The following PAX6 variants were observed in gnomAD, a reference collection of about 807,000 sequenced individuals.
PAX6 encodes the protein paired box protein Pax-6.
A neutral mutation model predicts 60.7 loss-of-function variants in PAX6; 7 were observed. The observed-to-expected ratio is 0.12, with a 90% CI of 0.07 to 0.22. The LOEUF (loss-of-function observed/expected upper bound fraction) is 0.22. Among genes scored for constraint, PAX6 ranks in the 10% least tolerant of loss-of-function variants. The probability of loss-of-function intolerance (pLI) is 1.00; values close to 1 mark genes in which losing one functional copy is unlikely to be tolerated. For missense variants in PAX6, 355 were observed against 555.2 expected (o/e 0.64, Z 3.62); for synonymous variants, 208 against 201.2 (o/e 1.03, Z -0.29).
intron 2 of PAX6, 118 bp downstream of exon 2, chr11:31,810,709 TC>T: frequency 2.5e-6 from 1 of 397,314 alleles, no homozygotes; most frequent in Non-Finnish European, 4.4e-6. Context: ...GGCCCAACTC[TC>T]CCGGCGTAGC....
At chr11:31,816,635 C>T (rs770835374) in intron 1 of PAX6, 54 of 702,296 alleles carry the variant, frequency 7.7e-5, no homozygotes, top group Non-Finnish European at 1.3e-4. Context: ...AGGATCCCGG[C>T]CCAGGTAAGG....
intron 12 of PAX6, 111 bp from the exon 13 acceptor site, chr11:31,790,971 C>T: frequency 1.8e-6 from 2 of 1,134,030 alleles, no homozygotes; most frequent in South Asian, 1.3e-5. Flanking sequence ...ATTAAAGATG[C>T]CTTCACGTGA....
intron 5 of PAX6, chr11:31,802,503 C>T: frequency 3.6e-6 from 2 of 555,898 alleles, no homozygotes; most frequent in Non-Finnish European, 6.3e-6. Flanking sequence ...TGTAACTGAC[C>T]CAGGTTGAAA....
intron 12 of PAX6, chr11:31,792,850 C>G (rs1477717674): frequency 4.6e-6 from 1 of 218,274 alleles, no homozygotes; most frequent in Non-Finnish European, 9.2e-6. Context: ...CAAAGACACA[C>G]TAAATTTCCA....
chr11:31,811,412 G>T (rs1214578106), upstream of PAX6: 3 of 396,768 alleles, frequency 7.6e-6, no homozygotes, highest in East Asian at 7.1e-5. Flanking sequence ...CCCTCTCCCC[G>T]CCTGGTGCAA....
chr11:31,802,535 A>G, intron 5 of PAX6, 169 bp downstream of exon 5: 1 of 599,046 alleles, frequency 1.7e-6, no homozygotes. Context: ...GGATGGTGGA[A>G]GGAGAGGGGA....
intron 10 of PAX6, 62 bp downstream of exon 10, chr11:31,793,970 T>C (rs1337358462): frequency 2.2e-5 from 29 of 1,304,496 alleles, no homozygotes; most frequent in Non-Finnish European, 3.2e-5. Context: ...CAAGCACCTC[T>C]GTCTCTAGGA....
At chr11:31,790,416 G>A (rs1051768896) in intron 13 of PAX6, 2 of 1,306,604 alleles carry the variant, frequency 1.5e-6, no homozygotes, top group African/African-American at 1.5e-5. Context: ...AGCTCAGTGG[G>A]CCCCCTACTG....
At chr11:31,815,202 A>G (rs1164937776), upstream of PAX6, among the ~76,000 whole-genome samples, 1 of 152,164 alleles carries the variant, frequency 6.6e-6, no homozygotes, top group Non-Finnish European at 1.5e-5. Context: ...AAAACTCCTG[A>G]CATGTAGGAC....
In PAX6 at chr11:31,789,533, A is replaced by G. The variant is rs1262902249; in HGVS notation, c.*401T>C. Reference sequence around the variant, plus strand: ...GAAGTATTCGATATATCTTGATAAAACTCTTAAATTCGTGGCAAAGCTTGT... The same window carrying G: ...GAAGTATTCGATATATCTTGATAAAGCTCTTAAATTCGTGGCAAAGCTTGT... On this transcript the variant is annotated 3_prime_UTR_variant, in exon 14 of 14. Transcript: ENST00000640368. The G allele has an allele frequency of 6.7e-6, 4 of 598,852 alleles. No homozygotes were observed. Among genetic ancestry groups the G allele is most frequent in the Non-Finnish European group, 1.2e-5 (4 of 341,458 alleles). The allele number at this position is 598,852 out of a possible 1,614,324, so 37.1% of individuals were successfully genotyped here.
chr11:31,797,753 A>T lies in PAX6; in HGVS notation c.565+2938T>A, dbSNP rs551840573. Among the ~76,000 whole-genome samples, 13 of 152,274 alleles carry T rather than the reference A, an allele frequency of 8.5e-5. No individual in the cohort carries two copies. In the South Asian group the frequency reaches 2.5e-3, roughly 29 times the overall value. ...ACTCTTAAAGCTTTTAACAAAATAA[A>T]ACTAGAAGTTGGATCTCGACTCCCC... On this transcript the variant is annotated intron_variant, in intron 8 of 13. Transcript: ENST00000640368.
At chr11:31,803,619 G>A (rs975346947) in intron 4 of PAX6, 5 of 152,344 alleles carry the variant, frequency 3.3e-5, no homozygotes, top group Admixed American at 1.3e-4. Flanking sequence ...GCCCGGGCTC[G>A]GCTTCAGCCA....
At chr11:31,816,869 G>A (rs1476114713) in intron 1 of PAX6, among the ~76,000 whole-genome samples, 1 of 152,260 alleles carries the variant, frequency 6.6e-6, no homozygotes, top group African/African-American at 2.4e-5. Flanking sequence ...TCCCGGGCGG[G>A]GTTCTTGGGT....
intron 8 of PAX6, 90 bp downstream of exon 8, chr11:31,800,601 G>A: frequency 6.8e-7 from 1 of 1,465,224 alleles, no homozygotes. Context: ...CCCAAGCATG[G>A]AAGCCCTGAG....
intron 4 of PAX6, chr11:31,806,153 G>C (rs1301873130): frequency 2.0e-6 from 1 of 489,992 alleles, no homozygotes; most frequent in African/African-American, 2.1e-5. Context: ...CTCTACCGCA[G>C]CTTCGAAAAC....
Position 31,790,867 on chromosome 11 carries a change from G to C in PAX6, c.1075-7C>G. 1 of 1,613,770 alleles carries C rather than the reference G, an allele frequency of 6.2e-7. No individual in the cohort carries two copies. The highest frequency in any genetic ancestry group is 8.5e-7 in the Non-Finnish European group (1 of 1,179,876). On this transcript the variant is annotated splice_region_variant and splice_polypyrimidine_tract_variant and intron_variant, in intron 12 of 13. Coordinates refer to ENST00000640368, the MANE Select transcript of PAX6 (RefSeq NM_001368894.2). ...TCTGGCTGGGGACTGGGGGCTGTGA[G>C]GAGAGAGGCAAACCTGTGGTTACTG... is the stretch of plus-strand genomic sequence containing the variant.
upstream of PAX6, chr11:31,816,274 C>T (rs1284117430): frequency 2.8e-6 from 1 of 356,098 alleles, no homozygotes; most frequent in Admixed American, 4.6e-5. Flanking sequence ...CTGGGGAAAT[C>T]TGAATAGTAA....
chr11:31,810,540 T>C (rs1956848001), intron 2 of PAX6: 3 of 239,440 alleles, frequency 1.3e-5, no homozygotes, highest in East Asian at 8.0e-5. Flanking sequence ...GTCTCCCTTC[T>C]TCCCGCGAGC....
At position 31,801,883 on chromosome 11, in the gene PAX6, CA is replaced by C; in HGVS notation, c.170del (p.Leu57ArgfsTer11). 6.2e-7 allele frequency: 1 copy of C among 1,613,976 alleles called. No homozygotes were observed. The highest frequency in any genetic ancestry group is 8.5e-7 in the Non-Finnish European group (1 of 1,179,924). On this transcript the variant is annotated frameshift_variant, in exon 6 of 14. Coordinates refer to ENST00000640368, the MANE Select transcript of PAX6 (RefSeq NM_001368894.2). LOFTEE classifies it high-confidence loss of function. ...ATGACAAGCTTACGTTTTGATTGTC[CA>C]GCACTTGGACTTTTGCATCTGCATG... ...QTHADAKVQV[L>X]DNQNVSNGCV...
Sources: allele counts gnomAD v4.1 joint callset (sites outside exome capture counted in the v4.1 genomes callset), GRCh38; gene constraint gnomAD v4.1.1; transcripts MANE v1.5; gene names NCBI Gene and HGNC (gene_info 2026-07-23, HGNC 2026-07-21).